Variants in FANCB observed in about 807,000 individuals in gnomAD.
FANCB encodes the protein Fanconi anemia group B protein.
A neutral mutation model predicts 38.9 loss-of-function variants in FANCB; 5 were observed. The ratio of observed to expected loss-of-function variants is 0.13; its 90% CI spans 0.07 to 0.27. FANCB has a LOEUF of 0.27. FANCB is among the 10% of genes least tolerant of loss of function. FANCB has a pLI of 1.00. For synonymous variants in FANCB, 236 were observed against 215.4 expected, an observed-to-expected ratio of 1.10 and a Z score of -0.84; for missense variants, 573 against 602.7, an observed-to-expected ratio of 0.95 and a Z score of 0.52.
intron 3 of FANCB, among the ~76,000 whole-genome samples, chrX:14,864,049 C>T (rs1011451609): frequency 2.7e-5 from 3 of 110,782 alleles, no homozygotes; most frequent in Non-Finnish European, 5.7e-5. Flanking sequence ...GCAGGAGAAC[C>T]GCTTGAACCT....
the FANCB span, among the ~76,000 whole-genome samples, chrX:14,697,394 A>T: frequency 8.9e-6 from 1 of 112,249 alleles, no homozygotes; most frequent in Non-Finnish European, 1.9e-5. Context: ...GGATTCTGTC[A>T]TAGGGTGATC....
chrX:14,729,080 TTA>T, the FANCB span, among the ~76,000 whole-genome samples: 1 of 112,605 alleles, frequency 8.9e-6, no homozygotes, highest in African/African-American at 3.2e-5. Flanking sequence ...GTCATTCATA[TTA>T]TAAGTCCTTC....
chrX:14,815,522 G>T, the FANCB span, among the ~76,000 whole-genome samples: 1 of 112,628 alleles, frequency 8.9e-6, no homozygotes, highest in African/African-American at 3.2e-5. Context: ...AATAACAGAT[G>T]TTGGTGAGAA....
the FANCB span, among the ~76,000 whole-genome samples, chrX:14,729,159 G>C: frequency 8.9e-6 from 1 of 112,133 alleles, no homozygotes; most frequent in Admixed American, 9.4e-5. Flanking sequence ...ATGAAATAAA[G>C]TTAATACCAA....
the FANCB span, among the ~76,000 whole-genome samples, chrX:14,794,894 T>C: frequency 2.7e-5 from 3 of 112,581 alleles, no homozygotes; most frequent in Admixed American, 9.4e-5. Flanking sequence ...AGAAGGACCA[T>C]AGCCACTCTG....
the FANCB span, among the ~76,000 whole-genome samples, chrX:14,783,785 C>T: frequency 8.9e-6 from 1 of 112,614 alleles, no homozygotes; most frequent in Non-Finnish European, 1.9e-5. Context: ...GGATGCTTGC[C>T]CCATTACCTT....
chrX:14,835,561 T>C (rs1025614652), downstream of FANCB, among the ~76,000 whole-genome samples: 3 of 111,935 alleles, frequency 2.7e-5, no homozygotes, highest in African/African-American at 9.8e-5. Context: ...ATTTAGCAGG[T>C]TTCGGGTAGG....
chrX:14,835,362 G>T, downstream of FANCB: 2 of 411,305 alleles, frequency 4.9e-6, no homozygotes, highest in Non-Finnish European at 4.5e-6. Flanking sequence ...AAGGTGGACA[G>T]AGATAAACGA....
chrX:14,864,855 C>T lies in FANCB; in HGVS notation c.656G>A (p.Ser219Asn), dbSNP rs1315847623. Reference sequence around the variant, plus strand: ...GTATATATCACTTAATACTTCTTGACTTTCAAGAGAATATACACAAAATTT... The same window carrying T: ...GTATATATCACTTAATACTTCTTGATTTTCAAGAGAATATACACAAAATTT... ...NTKFCVYSLE[S>N]QEVLSDIYII... is the part of the protein sequence containing the mutation. Residue 219 changes from serine (S) to asparagine (N), a missense_variant, in exon 3 of 10, where the codon AGT (serine) becomes AAT (asparagine). Transcript: ENST00000650831. 4 of 1,208,460 alleles carry T rather than the reference C, an allele frequency of 3.3e-6. No individual in the cohort carries two copies. The highest frequency in any genetic ancestry group is 3.4e-6 in the Non-Finnish European group (3 of 893,400).
the FANCB span, among the ~76,000 whole-genome samples, chrX:14,735,470 G>A: frequency 5.5e-4 from 61 of 111,607 alleles, 1 homozygote; most frequent in African/African-American, 1.8e-3. Context: ...TTTGTTAGTC[G>A]TCCTTCTAAC....
chrX:14,822,043 G>A, the FANCB span, among the ~76,000 whole-genome samples: 1 of 111,438 alleles, frequency 9.0e-6, no homozygotes, highest in Admixed American at 9.5e-5. Context: ...ATATTCACAG[G>A]TTTGCCCTGT....
At chrX:14,857,982 A>G (rs1381316470) in intron 4 of FANCB, 28 bp from the exon 5 acceptor site, 2 of 930,917 alleles carry the variant, frequency 2.1e-6, no homozygotes, top group Non-Finnish European at 3.1e-6. Context: ...AAATAAATAC[A>G]CTAAGACTGA....
At chrX:14,810,577 T>C in the FANCB span, among the ~76,000 whole-genome samples, 29,141 of 110,070 alleles carry the variant, frequency 0.26, 3,006 homozygotes, top group Non-Finnish European at 0.31. Context: ...TGATGGAAGA[T>C]GAAATGAATG....
intron 10 of FANCB, among the ~76,000 whole-genome samples, chrX:14,838,399 A>G (rs921502091): frequency 2.7e-5 from 3 of 111,926 alleles, no homozygotes; most frequent in African/African-American, 9.8e-5. Context: ...ATTCCTGGGC[A>G]TAACACATGT....
intron 2 of FANCB, 76 bp from the exon 3 acceptor site, chrX:14,865,656 C>T (rs770392295): frequency 2.2e-6 from 1 of 451,528 alleles, no homozygotes; most frequent in South Asian, 3.6e-5. Context: ...TAGAGAACTA[C>T]AACATAGGTA....
At chrX:14,738,928 A>G in the FANCB span, among the ~76,000 whole-genome samples, 804 of 112,308 alleles carry the variant, frequency 7.2e-3, 5 homozygotes, top group Non-Finnish European at 0.012. Flanking sequence ...TCTAACCAAA[A>G]CACGGCACAA....
At chrX:14,820,614 A>C in the FANCB span, among the ~76,000 whole-genome samples, 5 of 111,991 alleles carry the variant, frequency 4.5e-5, no homozygotes, top group Non-Finnish European at 9.4e-5. Flanking sequence ...AGTAACTCTG[A>C]CTTACTAAAT....
At chrX:14,777,731 T>C in the FANCB span, among the ~76,000 whole-genome samples, 9 of 112,314 alleles carry the variant, frequency 8.0e-5, no homozygotes, top group Middle Eastern at 4.7e-3. Context: ...ACAAAGAAGA[T>C]TGGCACATCC....
chrX:14,801,472 T>TG, the FANCB span, among the ~76,000 whole-genome samples: 1 of 112,161 alleles, frequency 8.9e-6, no homozygotes, highest in Admixed American at 9.4e-5. Flanking sequence ...TACAGGTCAT[T>TG]ACCCATTGGT....
Sources: allele counts gnomAD v4.1 joint callset (sites outside exome capture counted in the v4.1 genomes callset), GRCh38; gene constraint gnomAD v4.1.1; transcripts MANE v1.5; gene names NCBI Gene and HGNC (gene_info 2026-07-23, HGNC 2026-07-21).